The following PDZRN3 variants were observed in gnomAD, a reference collection of about 807,000 sequenced individuals.
PDZRN3 encodes PDZ domain containing ring finger 3, also known as E3 ubiquitin-protein ligase PDZRN3.
Under a neutral mutation model 85.7 loss-of-function variants are expected in PDZRN3, and 38 were observed. That is an observed-to-expected ratio of 0.44 (90% CI 0.34 to 0.58). The LOEUF (loss-of-function observed/expected upper bound fraction) is 0.58. Ranked by LOEUF, PDZRN3 falls within the 20% of genes least tolerant of loss-of-function variation. PDZRN3 has a pLI of 0.01. For missense variants in PDZRN3, 1,629 were observed against 1,506.4 expected (o/e 1.08, Z -1.35); for synonymous variants, 759 against 638.0 (o/e 1.19, Z -2.86).
chr3:73,562,766 C>T (rs1412398732), intron 3 of PDZRN3, among the ~76,000 whole-genome samples: 1 of 151,664 alleles, frequency 6.6e-6, no homozygotes, highest in Non-Finnish European at 1.5e-5. Context: ...ATTTGCTTTT[C>T]TTCCTCTTTT....
chr3:73,527,133 C>T (rs141059592), intron 3 of PDZRN3, among the ~76,000 whole-genome samples: 1 of 152,290 alleles, frequency 6.6e-6, no homozygotes, highest in East Asian at 1.9e-4. Context: ...GTCACTGCAC[C>T]TGGCTGAGTC....
At chr3:73,484,659 G>T (rs1703632026) in intron 3 of PDZRN3, among the ~76,000 whole-genome samples, 1 of 152,212 alleles carries the variant, frequency 6.6e-6, no homozygotes, top group South Asian at 2.1e-4. Flanking sequence ...CCTTGAAGAG[G>T]ACTAGGTATG....
chr3:73,614,640 G>C lies in PDZRN3; in HGVS notation c.724-5956C>G, dbSNP rs531487667. ...AAGACTCACTAGTCTTCACACAGCT[G>C]GGAAACAGCTCTGTCTGTTGACTAG... is the stretch of plus-strand genomic sequence containing the variant. On this transcript the variant is annotated intron_variant, in intron 1 of 9. Transcript: ENST00000263666. 6.0e-4 allele frequency among the ~76,000 whole-genome samples: 91 copies of C among 152,232 alleles called. 2 individuals carry two copies. Among genetic ancestry groups the C allele is most frequent in the African/African-American group, 2.1e-3 (86 of 41,540 alleles).
chr3:73,409,425 C>T (rs1369431423), intron 3 of PDZRN3, among the ~76,000 whole-genome samples: 3 of 152,184 alleles, frequency 2.0e-5, no homozygotes, highest in Non-Finnish European at 2.9e-5. Flanking sequence ...ATTTCACTGA[C>T]GACCCATCTG....
intron 5 of PDZRN3, among the ~76,000 whole-genome samples, chr3:73,394,412 G>C (rs571224962): frequency 6.6e-6 from 1 of 152,142 alleles, no homozygotes; most frequent in Admixed American, 6.5e-5. Context: ...AGAACAAACC[G>C]TCATGGGGAC....
rs200814195 is a variant in PDZRN3 at position 73,391,839 on chromosome 3, C to T, written c.1255-723G>A. On this transcript the variant is annotated intron_variant, in intron 5 of 9. Coordinates refer to ENST00000263666, the MANE Select transcript of PDZRN3 (RefSeq NM_015009.3). Reference sequence around the variant, plus strand: ...GTGTAACCAGGCTAAGTCACTCCCCCGCCCACTCTGCCAATGACTTGTGCA... The same window carrying T: ...GTGTAACCAGGCTAAGTCACTCCCCTGCCCACTCTGCCAATGACTTGTGCA... 1.7e-4 allele frequency among the ~76,000 whole-genome samples: 26 copies of T among 152,274 alleles called. No homozygotes were observed. The East Asian group carries it at 3.3e-3, about 19-fold the overall frequency.
intron 3 of PDZRN3, among the ~76,000 whole-genome samples, chr3:73,574,784 A>C (rs1702098937): frequency 2.0e-5 from 3 of 152,230 alleles, no homozygotes; most frequent in African/African-American, 7.2e-5. Flanking sequence ...TATCGACTAA[A>C]TCTAAAAGAT....
At chr3:73,588,086 A>C (rs921495694) in intron 3 of PDZRN3, among the ~76,000 whole-genome samples, 1 of 150,914 alleles carries the variant, frequency 6.6e-6, no homozygotes, top group African/African-American at 2.4e-5. Context: ...CCCTCCCCTC[A>C]CCCTCCACCC....
At chr3:73,461,200 G>C (rs1703096486) in intron 3 of PDZRN3, among the ~76,000 whole-genome samples, 1 of 152,172 alleles carries the variant, frequency 6.6e-6, no homozygotes, top group Non-Finnish European at 1.5e-5. Flanking sequence ...GTTAGGAAGT[G>C]GTTGAAAATC....
chr3:73,496,287 C>T (rs929599115), intron 3 of PDZRN3, among the ~76,000 whole-genome samples: 14 of 152,184 alleles, frequency 9.2e-5, no homozygotes, highest in African/African-American at 2.6e-4. Context: ...TCTTTTTCTT[C>T]GGAGAGGTAA....
chr3:73,436,971 G>A (rs748699147), intron 3 of PDZRN3, among the ~76,000 whole-genome samples: 1 of 151,300 alleles, frequency 6.6e-6, no homozygotes, highest in East Asian at 1.9e-4. Flanking sequence ...GCTTGAACCC[G>A]GGAGGTGGAG....
intron 3 of PDZRN3, among the ~76,000 whole-genome samples, chr3:73,419,760 C>T (rs974492616): frequency 1.3e-5 from 2 of 152,140 alleles, no homozygotes; most frequent in South Asian, 2.1e-4. Flanking sequence ...TGGCCATATA[C>T]GTGTCTTAAT....
chr3:73,608,650 T>C lies in PDZRN3; in HGVS notation c.758A>G (p.His253Arg). The C allele has an allele frequency of 6.2e-6, 10 of 1,613,156 alleles. No individual in the cohort carries two copies. The highest frequency in any genetic ancestry group is 8.5e-6 in the Non-Finnish European group (10 of 1,179,502). ...GAATCCCAGGGAGCCGGAGTCCCGA[T>C]GCAGGACAAGAGTCAGACTTTTGGT... ...EETKSLTLVL[H>R]RDSGSLGFNI... The change falls in exon 2 of 10, where the codon CAT becomes CGT. Residue 253 changes from histidine (H) to arginine (R), a missense_variant. Coordinates refer to ENST00000263666, the MANE Select transcript of PDZRN3 (RefSeq NM_015009.3).
intron 3 of PDZRN3, among the ~76,000 whole-genome samples, chr3:73,443,506 G>GGGGA (rs201995522): frequency 1.4e-5 from 2 of 146,948 alleles, no homozygotes; most frequent in African/African-American, 5.2e-5. Context: ...TTTGGGGGGG[G>GGGGA]GACAGCGCTT....
In PDZRN3 at chr3:73,405,705, G is replaced by T. The variant is rs2032530322; in HGVS notation, c.919-1310C>A. The stretch of plus-strand genomic sequence containing the variant: ...CACTCTTGCAATGTGCATGTTTTTA[G>T]CATGTATTTATAAATGTCAAAATGA... On this transcript the variant is annotated intron_variant, in intron 3 of 9. Transcript: ENST00000263666. Among the ~76,000 whole-genome samples the T allele has an allele frequency of 2.6e-5, 4 of 152,100 alleles. No homozygotes were observed. The South Asian group carries it at 8.3e-4, about 32-fold the overall frequency.
chr3:73,540,120 AAGAGCTAAC>A (rs1168996927), intron 3 of PDZRN3, among the ~76,000 whole-genome samples: 1 of 150,986 alleles, frequency 6.6e-6, no homozygotes, highest in Non-Finnish European at 1.5e-5. Flanking sequence ...AACAGTTCTC[AAGAGCTAAC>A]AAAGCAAATA....
At chr3:73,563,078 G>T (rs1701868735) in intron 3 of PDZRN3, among the ~76,000 whole-genome samples, 1 of 135,124 alleles carries the variant, frequency 7.4e-6, no homozygotes, top group African/African-American at 2.8e-5. Flanking sequence ...GAGTGCTGTG[G>T]CACGATCTCT....
At chr3:73,620,946 T>C (rs1020009168) in intron 1 of PDZRN3, among the ~76,000 whole-genome samples, 13 of 152,204 alleles carry the variant, frequency 8.5e-5, no homozygotes, top group African/African-American at 2.4e-4. Flanking sequence ...CAATGACCAG[T>C]GAAACCATAA....
intron 3 of PDZRN3, among the ~76,000 whole-genome samples, chr3:73,416,875 GGTTTTTTTTTTTTTTTTTTTTTTT>G (rs1702095149): frequency 4.9e-5 from 2 of 40,750 alleles, no homozygotes; most frequent in Non-Finnish European, 5.2e-5. Context: ...GTTTTTTTTT[GGTTTTTTTTTTTTTTTTTTTTTTT>G]TTTTTTTTTT....
Sources: allele counts gnomAD v4.1 joint callset (sites outside exome capture counted in the v4.1 genomes callset), GRCh38; gene constraint gnomAD v4.1.1; transcripts MANE v1.5; gene names NCBI Gene and HGNC (gene_info 2026-07-23, HGNC 2026-07-21).